The following TIPRL variants were observed in gnomAD, a reference collection of about 807,000 sequenced individuals.
The protein encoded by TIPRL is TOR signaling pathway regulator.
Under a neutral mutation model 32.3 loss-of-function variants are expected in TIPRL, and 10 were observed. The observed-to-expected ratio is 0.31, with a 90% CI of 0.19 to 0.52. The LOEUF is 0.52. Ranked by LOEUF, TIPRL falls within the 20% of genes least tolerant of loss-of-function variation. The probability of loss-of-function intolerance (pLI) is 0.96; values close to 1 mark genes in which losing one functional copy is unlikely to be tolerated. For missense variants in TIPRL, 250 were observed against 328.1 expected (o/e 0.76, Z 1.84); for synonymous variants, 100 against 114.0 (o/e 0.88, Z 0.78).
rs1423112941 is a variant in TIPRL, at chr1:168,197,224, G to A, written c.612+582G>A. On this transcript the variant is annotated intron_variant, in intron 5 of 6. Transcript: ENST00000367833. ...TAGCTGCTACTTGGGAGGCTGAGGT[G>A]GGAGGATTGCTTGAGCTGGTGAAGG... Among the ~76,000 whole-genome samples the A allele has an allele frequency of 4.6e-5, 7 of 151,898 alleles. 1 individual carries two copies. Among genetic ancestry groups the A allele is most frequent in the Non-Finnish European group, 1.0e-4 (7 of 67,990 alleles).
intron 4 of TIPRL, among the ~76,000 whole-genome samples, 190 bp downstream of exon 4, chr1:168,191,690 G>A (rs779177180): frequency 4.2e-4 from 63 of 151,776 alleles, no homozygotes; most frequent in Non-Finnish European, 7.8e-4. Flanking sequence ...GGCTAACACA[G>A]TGAAACCCCG....
Position 168,183,908 on chromosome 1 carries a change from C to T in TIPRL, c.111C>T (p.Ala37=), listed in dbSNP as rs767231491. 2.0e-5 allele frequency: 32 copies of T among 1,612,044 alleles called. No homozygotes were observed. In the East Asian group the frequency reaches 4.7e-4, roughly 24 times the overall value. Residue 37 remains alanine (A), a synonymous_variant, in exon 2 of 7, where the codon GCC becomes GCT. Transcript: ENST00000367833. Reference sequence around the variant, plus strand: ...GACTTTTGGTTACGTATAGATTAGCCGATGAATTACATATGCCATCTCTCC... The same window carrying T: ...GACTTTTGGTTACGTATAGATTAGCTGATGAATTACATATGCCATCTCTCC... ...IMKSADVEKL[A]DELHMPSLPE...
chr1:168,195,511 G>A (rs543248339), intron 4 of TIPRL, among the ~76,000 whole-genome samples: 2 of 152,292 alleles, frequency 1.3e-5, no homozygotes, highest in African/African-American at 4.8e-5. Flanking sequence ...ACTTACTATA[G>A]TAAGAACTTG....
At chr1:168,199,757 A>G (rs1700190700) in intron 6 of TIPRL, 146 bp from the exon 7 acceptor site, 1 of 667,532 alleles carries the variant, frequency 1.5e-6, no homozygotes, top group African/African-American at 1.8e-5. Context: ...CCGTATCAAG[A>G]AATACCTATT....
intron 4 of TIPRL, among the ~76,000 whole-genome samples, chr1:168,192,620 C>T (rs1359269170): frequency 6.6e-6 from 1 of 152,214 alleles, no homozygotes; most frequent in African/African-American, 2.4e-5. Flanking sequence ...TCAATTAGGC[C>T]GGGCGCGGTG....
intron 1 of TIPRL, among the ~76,000 whole-genome samples, chr1:168,181,735 T>C (rs1699965717): frequency 6.6e-6 from 1 of 151,896 alleles, no homozygotes; most frequent in African/African-American, 2.4e-5. Flanking sequence ...AAATTCCATA[T>C]CTACGATCTC....
intron 1 of TIPRL, among the ~76,000 whole-genome samples, chr1:168,180,834 T>G (rs1699953019): frequency 6.7e-6 from 1 of 150,154 alleles, no homozygotes; most frequent in South Asian, 2.1e-4. Flanking sequence ...TTTTTTTTTT[T>G]TGTATTTTTA....
rs56699636 is a variant in TIPRL at position 168,186,074 on chromosome 1, C to CAAAAA, written c.384+1221_384+1225dup. On this transcript the variant is annotated intron_variant, in intron 3 of 6. Transcript: ENST00000367833. ...TGGGCGACAGAGCGAGACTCCGTCT[C>CAAAAA]AAAAAAAAAAAAAAAAAAAAAAAAA... 2.7e-4 allele frequency among the ~76,000 whole-genome samples: 15 copies of CAAAAA among 56,054 alleles called. 1 individual carries two copies. The highest frequency in any genetic ancestry group is 1.2e-3 in the East Asian group (2 of 1,656). The allele number at this position is 56,054 out of a possible 152,430, so 36.8% of individuals were successfully genotyped here.
chr1:168,189,370 A>T (rs1700065032), intron 3 of TIPRL, among the ~76,000 whole-genome samples: 1 of 152,054 alleles, frequency 6.6e-6, no homozygotes, highest in Non-Finnish European at 1.5e-5. Flanking sequence ...TTTGAGATAG[A>T]GTTTCATTCT....
intron 1 of TIPRL, among the ~76,000 whole-genome samples, chr1:168,180,515 G>A (rs1415016642): frequency 6.6e-6 from 1 of 152,158 alleles, no homozygotes; most frequent in African/African-American, 2.4e-5. Context: ...GGTACCTGGA[G>A]CTTTGGGAAT....
chr1:168,192,140 G>A, intron 4 of TIPRL: 2 of 1,368,680 alleles, frequency 1.5e-6, no homozygotes, highest in Non-Finnish European at 1.9e-6. Context: ...CAAGGTGGAT[G>A]TCATTTTTTA....
chr1:168,191,599 C>T (rs1034062054), intron 4 of TIPRL, 99 bp downstream of exon 4: 108 of 1,019,196 alleles, frequency 1.1e-4, no homozygotes, highest in Non-Finnish European at 1.4e-4. Flanking sequence ...TGGCCGGGCG[C>T]GGTGGCTCAC....
At chr1:168,182,782 A>G (rs1177734541) in intron 1 of TIPRL, among the ~76,000 whole-genome samples, 1 of 152,180 alleles carries the variant, frequency 6.6e-6, no homozygotes, top group Non-Finnish European at 1.5e-5. Flanking sequence ...GAATCCACAG[A>G]CTCACATATT....
chr1:168,202,071 CTT>C lies in TIPRL; in HGVS notation c.*2029_*2030del, dbSNP rs1286924059. The C allele has an allele frequency of 2.0e-5, 3 of 151,888 alleles. No homozygotes were observed. The highest frequency in any genetic ancestry group is 4.4e-5 in the Non-Finnish European group (3 of 67,936). 9.4% of individuals were successfully genotyped at this position (151,888 alleles called of 1,614,324 possible). A position where few individuals can be genotyped will look rare whatever the true frequency, so the allele number is the denominator to read the frequency against. On this transcript the variant is annotated 3_prime_UTR_variant, in exon 7 of 7. Transcript: ENST00000367833. ...TTTTGTATTTATTTGTCCCAAGTGTCTTTTTGTAAGAGGAGAATAAACAATAA... is the reference window on the plus strand; with the variant it reads ...TTTTGTATTTATTTGTCCCAAGTGTCTTTGTAAGAGGAGAATAAACAATAA...
rs1258606218 is a variant in TIPRL at position 168,201,397 on chromosome 1, A to G, written c.*1351A>G. ...AGATAAATTTTAACAAAACATATAC[A>G]CTTGGGTATCCGTCATTGCTCAAAC... On this transcript the variant is annotated 3_prime_UTR_variant, in exon 7 of 7. Transcript: ENST00000367833. The G allele has an allele frequency of 6.6e-6, 1 of 152,010 alleles. No individual in the cohort carries two copies. The highest frequency in any genetic ancestry group is 1.9e-4 in the East Asian group (1 of 5,186). The allele number at this position is 152,010 out of a possible 1,614,324, so 9.4% of individuals were successfully genotyped here. A position where few individuals can be genotyped will look rare whatever the true frequency, so the allele number is the denominator to read the frequency against.
In TIPRL at chr1:168,185,234, C is replaced by G. The variant is rs1184973674; in HGVS notation, c.384+356C>G. ...TGTAGCTCACAAGTTTATAGATGAA[C>G]AAATATATGAGCAAAAAGAACTTCT... On this transcript the variant is annotated intron_variant, in intron 3 of 6. Transcript: ENST00000367833. Among the ~76,000 whole-genome samples, 4 of 152,256 alleles carry G rather than the reference C, an allele frequency of 2.6e-5. No homozygotes were observed. The East Asian group carries it at 7.7e-4, about 29-fold the overall frequency.
chr1:168,200,272 T>C lies in TIPRL; in HGVS notation c.*226T>C, dbSNP rs997103816. 8.9e-6 allele frequency: 4 copies of C among 451,384 alleles called. No homozygotes were observed. The highest frequency in any genetic ancestry group is 1.6e-5 in the Non-Finnish European group (4 of 256,054). 28.0% of individuals were successfully genotyped at this position (451,384 alleles called of 1,614,324 possible). On this transcript the variant is annotated 3_prime_UTR_variant, in exon 7 of 7. Transcript: ENST00000367833. ...GATTTATATTTTCTGGAGTTAAATTTGGATGATTTCTAAATTATCACAAAG... is the reference window on the plus strand; with the variant it reads ...GATTTATATTTTCTGGAGTTAAATTCGGATGATTTCTAAATTATCACAAAG...
chr1:168,195,927 C>A (rs12083236), intron 4 of TIPRL, among the ~76,000 whole-genome samples: 5,427 of 152,216 alleles, frequency 0.036, 326 homozygotes, highest in African/African-American at 0.12. Context: ...ACCGCTCTCT[C>A]CCCGCCACCA....
At chr1:168,194,125 A>AT (rs112048528) in intron 4 of TIPRL, among the ~76,000 whole-genome samples, 4,309 of 150,552 alleles carry the variant, frequency 0.029, 217 homozygotes, top group African/African-American at 0.097. Flanking sequence ...TAATTGAGTG[A>AT]TTTTTTTTTT....
Sources: allele counts gnomAD v4.1 joint callset (sites outside exome capture counted in the v4.1 genomes callset), GRCh38; gene constraint gnomAD v4.1.1; transcripts MANE v1.5; gene names NCBI Gene and HGNC (gene_info 2026-07-23, HGNC 2026-07-21).